The following ATP6V1A variants were observed in gnomAD, a reference collection of about 807,000 sequenced individuals.
ATP6V1A encodes V-type proton ATPase catalytic subunit A.
Under a neutral mutation model 70.1 loss-of-function variants are expected in ATP6V1A, and 18 were observed. The ratio of observed to expected loss-of-function variants is 0.26; its 90% CI spans 0.18 to 0.38. ATP6V1A has a LOEUF of 0.38. Among genes scored for constraint, ATP6V1A ranks in the 10% least tolerant of loss-of-function variants. The pLI is 1.00. For synonymous variants in ATP6V1A, 232 were observed against 253.8 expected (o/e 0.91, Z 0.82); for missense variants, 424 against 772.4 (o/e 0.55, Z 5.35).
At chr3:113,749,817 T>C (rs1028475602) in intron 1 of ATP6V1A, among the ~76,000 whole-genome samples, 2 of 152,240 alleles carry the variant, frequency 1.3e-5, no homozygotes, top group Admixed American at 6.5e-5. Context: ...TCATAGCTCT[T>C]CCTAAAGTTG....
At chr3:113,778,383 G>C (rs1708939471) in intron 1 of ATP6V1A, among the ~76,000 whole-genome samples, 1 of 151,766 alleles carries the variant, frequency 6.6e-6, no homozygotes, top group African/African-American at 2.4e-5. Flanking sequence ...GGTGGAGTTA[G>C]ACTCTGTCTC....
chr3:113,778,972 C>T lies in ATP6V1A; in HGVS notation c.82+137C>T, dbSNP rs1708949648. On this transcript the variant is annotated intron_variant, in intron 2 of 14. Coordinates refer to ENST00000273398, the MANE Select transcript of ATP6V1A (RefSeq NM_001690.4). ...TTGTCCTTAGGCGATCTCATAGTGA[C>T]TATAAGACCGAAGTAGAATCTCTGT... 5.3e-5 allele frequency: 27 copies of T among 506,822 alleles called. 1 individual carries two copies. The South Asian group carries it at 1.2e-3, about 22-fold the overall frequency. 31.4% of individuals were successfully genotyped at this position (506,822 alleles called of 1,614,324 possible).
intron 6 of ATP6V1A, among the ~76,000 whole-genome samples, 155 bp from the exon 7 acceptor site, chr3:113,788,558 C>G (rs1353451800): frequency 6.6e-6 from 1 of 151,682 alleles, no homozygotes; most frequent in Non-Finnish European, 1.5e-5. Context: ...GTTGGCCAGT[C>G]TGGTCTCGAA....
intron 1 of ATP6V1A, among the ~76,000 whole-genome samples, chr3:113,771,745 T>G (rs1420719380): frequency 1.3e-5 from 2 of 152,006 alleles, no homozygotes. Context: ...CCTCTTTTTT[T>G]CTTTAGTTTT....
chr3:113,755,799 C>A (rs932596549), intron 1 of ATP6V1A, among the ~76,000 whole-genome samples: 5 of 152,120 alleles, frequency 3.3e-5, no homozygotes, highest in African/African-American at 9.7e-5. Context: ...CTCCCCTCAT[C>A]CTTATTCTTT....
At chr3:113,807,555 G>A (rs1213072321) in intron 14 of ATP6V1A, among the ~76,000 whole-genome samples, 1 of 152,128 alleles carries the variant, frequency 6.6e-6, no homozygotes, top group Non-Finnish European at 1.5e-5. Context: ...TAGATATTAT[G>A]AAGGCATTAC....
chr3:113,760,793 G>A (rs1708694776), intron 1 of ATP6V1A, among the ~76,000 whole-genome samples: 1 of 151,206 alleles, frequency 6.6e-6, no homozygotes, highest in Non-Finnish European at 1.5e-5. Flanking sequence ...CATCGGCCAG[G>A]TACAGTGGCT....
intron 11 of ATP6V1A, among the ~76,000 whole-genome samples, 177 bp downstream of exon 11, chr3:113,796,116 T>G (rs1438329912): frequency 1.3e-5 from 2 of 152,224 alleles, no homozygotes; most frequent in Non-Finnish European, 2.9e-5. Context: ...ATACTGTCTG[T>G]TTTTTTCTTA....
intron 14 of ATP6V1A, among the ~76,000 whole-genome samples, chr3:113,805,807 G>A (rs1331712187): frequency 6.6e-6 from 1 of 152,140 alleles, no homozygotes; most frequent in East Asian, 1.9e-4. Flanking sequence ...TTCACCTCGT[G>A]ATCTGCCCGC....
At chr3:113,795,642 A>C (rs1258248295) in intron 10 of ATP6V1A, among the ~76,000 whole-genome samples, 3 of 151,992 alleles carry the variant, frequency 2.0e-5, no homozygotes, top group African/African-American at 7.2e-5. Context: ...CATGTCTCAT[A>C]ATAGAAGGTG....
intron 1 of ATP6V1A, among the ~76,000 whole-genome samples, chr3:113,750,251 G>A (rs551978121): frequency 6.5e-4 from 99 of 152,114 alleles, no homozygotes; most frequent in Non-Finnish European, 1.4e-3. Context: ...AGGCCAAGGC[G>A]GGCAGATCAC....
At chr3:113,784,171 T>C in intron 3 of ATP6V1A, 53 bp from the exon 4 acceptor site, 1 of 1,515,174 alleles carries the variant, frequency 6.6e-7, no homozygotes, top group Non-Finnish European at 9.1e-7. Context: ...GTATTTCCTG[T>C]TAATTGTGTC....
intron 11 of ATP6V1A, 64 bp from the exon 12 acceptor site, chr3:113,798,179 G>C: frequency 1.3e-6 from 2 of 1,550,242 alleles, no homozygotes; most frequent in Non-Finnish European, 1.8e-6. Flanking sequence ...ACATGCTTCG[G>C]TATTTTTTAA....
chr3:113,747,692 C>T (rs975161682), intron 1 of ATP6V1A, among the ~76,000 whole-genome samples: 42 of 152,230 alleles, frequency 2.8e-4, no homozygotes, highest in African/African-American at 1.0e-3. Context: ...TCACGTGCTT[C>T]GGATGGGACT....
At chr3:113,750,623 C>T (rs924042318) in intron 1 of ATP6V1A, among the ~76,000 whole-genome samples, 1 of 152,204 alleles carries the variant, frequency 6.6e-6, no homozygotes, top group African/African-American at 2.4e-5. Flanking sequence ...AACTGTGTGA[C>T]TTTGGACAGT....
intron 11 of ATP6V1A, among the ~76,000 whole-genome samples, chr3:113,797,409 A>G (rs1489728931): frequency 6.6e-6 from 1 of 150,620 alleles, no homozygotes; most frequent in Admixed American, 6.6e-5. Flanking sequence ...ATGCGCCACC[A>G]CCACGCCCGG....
intron 13 of ATP6V1A, among the ~76,000 whole-genome samples, chr3:113,804,701 G>C (rs1378107739): frequency 6.6e-6 from 1 of 152,166 alleles, no homozygotes; most frequent in Non-Finnish European, 1.5e-5. Context: ...CCTACACAAA[G>C]ATAACAAGGG....
chr3:113,754,020 C>G (rs981862505), intron 1 of ATP6V1A, among the ~76,000 whole-genome samples: 4 of 152,038 alleles, frequency 2.6e-5, no homozygotes, highest in Non-Finnish European at 5.9e-5. Context: ...ATATTTTTAC[C>G]TGGTTGTCAC....
chr3:113,791,416 G>T (rs552791116), intron 8 of ATP6V1A, among the ~76,000 whole-genome samples: 18 of 146,724 alleles, frequency 1.2e-4, no homozygotes, highest in African/African-American at 3.8e-4. Flanking sequence ...TTTTAACTGT[G>T]GTCACAGTTT....
Sources: gnomAD v4.1 joint callset for allele counts (sites outside exome capture counted in the v4.1 genomes callset) on GRCh38, gnomAD v4.1.1 for gene constraint, MANE v1.5 for transcripts, NCBI Gene and HGNC (gene_info 2026-07-23, HGNC 2026-07-21) for gene names.